Variants in RUNDC3B observed in about 807,000 individuals in gnomAD.
The protein encoded by RUNDC3B is RUN domain-containing protein 3B.
A neutral mutation model predicts 58.4 loss-of-function variants in RUNDC3B; 33 were observed. The ratio of observed to expected loss-of-function variants is 0.56; its 90% confidence interval spans 0.43 to 0.75. The LOEUF (loss-of-function observed/expected upper bound fraction) is 0.75, where lower values mean the gene tolerates loss of function less well. RUNDC3B is among the 30% of genes least tolerant of loss of function. The pLI is 0.00. For missense variants in RUNDC3B, 501 were observed against 535.7 expected, an observed-to-expected ratio of 0.94 and a Z score of 0.64; for synonymous variants, 193 against 195.2, an observed-to-expected ratio of 0.99 and a Z score of 0.10.
intron 8 of RUNDC3B, among the ~76,000 whole-genome samples, chr7:87,792,240 A>C (rs1406868290): frequency 1.3e-5 from 2 of 152,162 alleles, no homozygotes; most frequent in Non-Finnish European, 2.9e-5. Context: ...CTAAACAGAG[A>C]GATAGATCTG....
At position 87,710,652 on chromosome 7, in the gene RUNDC3B, C is replaced by T; in HGVS notation, c.455C>T (p.Thr152Ile). The T allele has an allele frequency of 1.9e-6, 3 of 1,557,234 alleles. No individual in the cohort carries two copies. Among genetic ancestry groups the T allele is most frequent in the Non-Finnish European group, 2.6e-6 (3 of 1,142,512 alleles). ...ACAGCTCTGAGAGACTTCAAAACAACCAGGTTTAAAAGTCCTTTTAATTTT... is the reference window on the plus strand; with the variant it reads ...ACAGCTCTGAGAGACTTCAAAACAATCAGGTTTAAAAGTCCTTTTAATTTT... ...ISTALRDFKT[T>I]RRFYEDGAIV... is the part of the protein sequence containing the mutation. The change falls in exon 4 of 11, where the codon ACC (threonine) becomes ATC (isoleucine). Residue 152 changes from threonine to isoleucine, a missense_variant. Thr to Ile is a moderately conservative substitution (Grantham distance 89). Coordinates refer to ENST00000394654, the MANE Select transcript of RUNDC3B (RefSeq NM_001134405.2).
intron 8 of RUNDC3B, among the ~76,000 whole-genome samples, chr7:87,787,373 G>A (rs1243677630): frequency 6.6e-6 from 1 of 152,076 alleles, no homozygotes; most frequent in Non-Finnish European, 1.5e-5. Flanking sequence ...AAAGGAAAAG[G>A]CCAGAGAAGG....
chr7:87,751,326 T>C (rs1832969622), intron 6 of RUNDC3B, among the ~76,000 whole-genome samples: 1 of 152,168 alleles, frequency 6.6e-6, no homozygotes, highest in Non-Finnish European at 1.5e-5. Flanking sequence ...TGCCTCCAGC[T>C]TTGTTCTTTT....
At chr7:87,779,924 G>C (rs1185069163) in intron 8 of RUNDC3B, among the ~76,000 whole-genome samples, 1 of 152,028 alleles carries the variant, frequency 6.6e-6, no homozygotes, top group African/African-American at 2.4e-5. Flanking sequence ...TAGGATAATG[G>C]CCTCTAGCTG....
Position 87,739,867 on chromosome 7 carries a change from G to A in RUNDC3B, c.535G>A (p.Ala179Thr). The part of the protein sequence containing the change: ...MLAGMLLGLN[A>T]IDFSFCLKGE... ...TGCTGGCATGCTTCTAGGACTCAATGCTATTGATTTCAGGTACTTAACCAA... is the reference window on the plus strand; with the variant it reads ...TGCTGGCATGCTTCTAGGACTCAATACTATTGATTTCAGGTACTTAACCAA... The change falls in exon 5 of 11, where the codon GCT becomes ACT. Residue 179 changes from alanine to threonine, a missense_variant. Coordinates refer to ENST00000394654, the MANE Select transcript of RUNDC3B (RefSeq NM_001134405.2). 3.9e-6 allele frequency: 6 copies of A among 1,552,866 alleles called. No homozygotes were observed. The highest frequency in any genetic ancestry group is 5.3e-6 in the Non-Finnish European group (6 of 1,133,496).
At chr7:87,769,996 T>C (rs1834187482) in intron 6 of RUNDC3B, among the ~76,000 whole-genome samples, 1 of 152,218 alleles carries the variant, frequency 6.6e-6, no homozygotes, top group South Asian at 2.1e-4. Context: ...ATTTTAGATA[T>C]GGATTGTGAT....
chr7:87,697,812 T>C (rs145098505), intron 2 of RUNDC3B, among the ~76,000 whole-genome samples: 1 of 152,172 alleles, frequency 6.6e-6, no homozygotes, highest in Non-Finnish European at 1.5e-5. Context: ...ACTCATAAAG[T>C]GAACCTAAGT....
intron 2 of RUNDC3B, among the ~76,000 whole-genome samples, chr7:87,675,099 C>G (rs1339592776): frequency 6.6e-6 from 1 of 152,170 alleles, no homozygotes; most frequent in Non-Finnish European, 1.5e-5. Context: ...GCGGGCCGCT[C>G]CTCACTTGTT....
At chr7:87,768,812 C>G (rs1227684066) in intron 6 of RUNDC3B, among the ~76,000 whole-genome samples, 2 of 152,162 alleles carry the variant, frequency 1.3e-5, no homozygotes, top group Non-Finnish European at 2.9e-5. Context: ...ACTTTCCACT[C>G]AGGCTATGAT....
chr7:87,668,516 C>A (rs1231610744), intron 2 of RUNDC3B, among the ~76,000 whole-genome samples: 2 of 151,424 alleles, frequency 1.3e-5, no homozygotes, highest in South Asian at 4.2e-4. Flanking sequence ...TCTTGTCTTC[C>A]GCTAGTATTG....
chr7:87,808,425 G>T (rs1836549880), intron 9 of RUNDC3B, among the ~76,000 whole-genome samples: 1 of 151,936 alleles, frequency 6.6e-6, no homozygotes, highest in South Asian at 2.1e-4. Context: ...TTTCTACAAG[G>T]AATATTTTAG....
chr7:87,686,448 A>G (rs1428355399), intron 2 of RUNDC3B, among the ~76,000 whole-genome samples: 2 of 152,200 alleles, frequency 1.3e-5, no homozygotes, highest in East Asian at 3.8e-4. Flanking sequence ...AAGTACCTCA[A>G]ATGAAAATTA....
chr7:87,737,132 C>T (rs1347195716), intron 4 of RUNDC3B, among the ~76,000 whole-genome samples: 1 of 151,176 alleles, frequency 6.6e-6, no homozygotes, highest in African/African-American at 2.4e-5. Flanking sequence ...CTCCTGGGCT[C>T]AAATGATCTG....
At chr7:87,657,299 G>T (rs1458393356) in intron 2 of RUNDC3B, among the ~76,000 whole-genome samples, 1 of 152,014 alleles carries the variant, frequency 6.6e-6, no homozygotes, top group African/African-American at 2.4e-5. Flanking sequence ...CAACAACAAT[G>T]AAAACCTCTC....
chr7:87,633,294 T>A (rs2130212748), intron 1 of RUNDC3B, among the ~76,000 whole-genome samples: 1 of 152,320 alleles, frequency 6.6e-6, no homozygotes, highest in Non-Finnish European at 1.5e-5. Context: ...ATATTTACAA[T>A]ATTTTGGATG....
intron 1 of RUNDC3B, among the ~76,000 whole-genome samples, chr7:87,637,229 G>A (rs563111848): frequency 6.6e-6 from 1 of 152,074 alleles, no homozygotes; most frequent in Non-Finnish European, 1.5e-5. Flanking sequence ...ATTTATCTTA[G>A]GTGACTGGAT....
chr7:87,710,854 A>G (rs916165300), intron 4 of RUNDC3B, among the ~76,000 whole-genome samples, 199 bp downstream of exon 4: 1 of 152,208 alleles, frequency 6.6e-6, no homozygotes, highest in African/African-American at 2.4e-5. Flanking sequence ...TTCTGTAAAA[A>G]GATACACATT....
chr7:87,768,017 A>G (rs1834065673), intron 6 of RUNDC3B, among the ~76,000 whole-genome samples: 1 of 152,274 alleles, frequency 6.6e-6, no homozygotes, highest in Non-Finnish European at 1.5e-5. Context: ...TCTGTACTCT[A>G]TTGCAGGAAT....
chr7:87,682,097 C>T (rs1826983065), intron 2 of RUNDC3B, among the ~76,000 whole-genome samples: 2 of 152,168 alleles, frequency 1.3e-5, no homozygotes, highest in Non-Finnish European at 1.5e-5. Flanking sequence ...TTCAAGAAAC[C>T]ACTTTCTTTG....
Sources: gnomAD v4.1 joint callset for allele counts (sites outside exome capture counted in the v4.1 genomes callset) on GRCh38, gnomAD v4.1.1 for gene constraint, MANE v1.5 for transcripts, NCBI Gene and HGNC (gene_info 2026-07-23, HGNC 2026-07-21) for gene names.